Variants in ARFGEF1 observed in about 807,000 individuals in gnomAD.
ARFGEF1 encodes ARF guanine nucleotide exchange factor 1.
Under a neutral mutation model 231.0 loss-of-function variants are expected in ARFGEF1, and 42 were observed. The ratio of observed to expected loss-of-function variants is 0.18; its 90% CI spans 0.14 to 0.24. ARFGEF1 has a LOEUF of 0.24. Ranked by LOEUF, ARFGEF1 falls within the 10% of genes least tolerant of loss-of-function variation. ARFGEF1 has a pLI of 1.00. For synonymous variants in ARFGEF1, 710 were observed against 732.3 expected (o/e 0.97, Z 0.49); for missense variants, 1,345 against 2,192.0 (o/e 0.61, Z 7.72).
chr8:67,287,881 A>T, intron 7 of ARFGEF1, 74 bp downstream of exon 7: 1 of 1,035,994 alleles, frequency 9.7e-7, no homozygotes, highest in Non-Finnish European at 1.3e-6. Context: ...TTTCTATTCC[A>T]GACATTACAA....
At chr8:67,283,603 T>C (rs936475584) in intron 7 of ARFGEF1, among the ~76,000 whole-genome samples, 1 of 152,134 alleles carries the variant, frequency 6.6e-6, no homozygotes, top group Non-Finnish European at 1.5e-5. Context: ...AGAAAGTATC[T>C]GTAAAATATA....
At chr8:67,203,728 TCTC>T (rs1311213054) in intron 35 of ARFGEF1, among the ~76,000 whole-genome samples, 1 of 152,234 alleles carries the variant, frequency 6.6e-6, no homozygotes, top group Non-Finnish European at 1.5e-5. Flanking sequence ...AGTTTTCACT[TCTC>T]AAGTAGCTAA....
At chr8:67,334,079 T>C (rs1808227791) in intron 1 of ARFGEF1, among the ~76,000 whole-genome samples, 1 of 142,944 alleles carries the variant, frequency 7.0e-6, no homozygotes, top group Admixed American at 7.7e-5. Context: ...GAAGTTACAG[T>C]GAGCTGAGAT....
intron 14 of ARFGEF1, among the ~76,000 whole-genome samples, chr8:67,262,552 T>C (rs1435751386): frequency 6.6e-6 from 1 of 152,250 alleles, no homozygotes; most frequent in African/African-American, 2.4e-5. Context: ...GACATATTAC[T>C]GTAGGTAAAT....
chr8:67,194,168 C>A (rs768122902), downstream of ARFGEF1, among the ~76,000 whole-genome samples: 12 of 151,964 alleles, frequency 7.9e-5, no homozygotes, highest in Non-Finnish European at 1.3e-4. Context: ...CCCTGCCAGC[C>A]CTACACCACC....
In ARFGEF1 at chr8:67,240,303, A is replaced by C; in HGVS notation, c.2851-13T>G. ...GCGTCCAAGCCAACTACAAAAATTA[A>C]AAATTGTATTTTAATTAAAGATTAT... is the stretch of plus-strand genomic sequence containing the variant. On this transcript the variant is annotated splice_polypyrimidine_tract_variant and intron_variant, in intron 19 of 38. Transcript: ENST00000262215. 6.3e-7 allele frequency: 1 copy of C among 1,586,090 alleles called. No homozygotes were observed. The highest frequency in any genetic ancestry group is 1.2e-5 in the South Asian group (1 of 84,806).
chr8:67,214,151 A>G (rs1163653212), intron 33 of ARFGEF1, among the ~76,000 whole-genome samples: 1 of 152,226 alleles, frequency 6.6e-6, no homozygotes, highest in Non-Finnish European at 1.5e-5. Flanking sequence ...TGTGTGAGAG[A>G]AAGCATCTAC....
chr8:67,231,682 G>C (rs1209769791), intron 23 of ARFGEF1, among the ~76,000 whole-genome samples: 2 of 152,068 alleles, frequency 1.3e-5, no homozygotes, highest in East Asian at 3.9e-4. Context: ...ACATAGCTCT[G>C]CAGTAGTACA....
intron 29 of ARFGEF1, among the ~76,000 whole-genome samples, chr8:67,222,229 A>G (rs868800758): frequency 7.6e-4 from 63 of 83,088 alleles, no homozygotes; most frequent in African/African-American, 2.5e-3. Flanking sequence ...ATATATGTAT[A>G]TGTATGTATG....
At chr8:67,217,660 C>A in intron 32 of ARFGEF1, 122 bp downstream of exon 32, 1 of 1,057,818 alleles carries the variant, frequency 9.5e-7, no homozygotes, top group Non-Finnish European at 1.3e-6. Flanking sequence ...AAGAGTAAGA[C>A]AAGCTTAAAA....
intron 32 of ARFGEF1, among the ~76,000 whole-genome samples, chr8:67,217,262 C>T (rs1171524517): frequency 6.6e-6 from 1 of 150,384 alleles, no homozygotes; most frequent in Non-Finnish European, 1.5e-5. Context: ...CGAGATTGCG[C>T]CAATGCACTC....
intron 1 of ARFGEF1, among the ~76,000 whole-genome samples, chr8:67,332,840 G>A (rs923137540): frequency 2.6e-5 from 4 of 152,048 alleles, no homozygotes; most frequent in Admixed American, 6.5e-5. Context: ...GGTCATATTC[G>A]AATTCTGCCA....
rs371822934 is a variant in ARFGEF1 at position 67,227,441 on chromosome 8, T to C, written c.3743+6A>G. Reference sequence around the variant, plus strand: ...CTTCTATTAAGCAATTCAACAAATATAGTACCTGTTCCGTTTCATTATATG... The same window carrying C: ...CTTCTATTAAGCAATTCAACAAATACAGTACCTGTTCCGTTTCATTATATG... On this transcript the variant is annotated splice_donor_region_variant and intron_variant, in intron 26 of 38. Coordinates refer to ENST00000262215, the MANE Select transcript of ARFGEF1 (RefSeq NM_006421.5). The C allele has an allele frequency of 6.7e-5, 108 of 1,611,750 alleles. No homozygotes were observed. The African/African-American group carries it at 1.2e-3, about 18-fold the overall frequency.
intron 19 of ARFGEF1, among the ~76,000 whole-genome samples, chr8:67,243,486 G>C (rs566813932): frequency 4.6e-5 from 7 of 152,058 alleles, no homozygotes; most frequent in African/African-American, 1.2e-4. Context: ...AGAACAGCAC[G>C]GGAAAAGACC....
At chr8:67,269,931 A>T (rs1430589334) in intron 10 of ARFGEF1, among the ~76,000 whole-genome samples, 1 of 152,150 alleles carries the variant, frequency 6.6e-6, no homozygotes, top group Non-Finnish European at 1.5e-5. Flanking sequence ...ATCTAGATCT[A>T]AGAATTTATA....
rs1806995741 is a variant in ARFGEF1 at position 67,310,973 on chromosome 8, G to GCCCA, written c.125-8508_125-8507insTGGG. Among the ~76,000 whole-genome samples the GCCCA allele has an allele frequency of 3.4e-4, 4 of 11,848 alleles. 1 individual carries two copies. Among genetic ancestry groups the GCCCA allele is most frequent in the Middle Eastern group, 0.12 (2 of 16 alleles). The allele number at this position is 11,848 out of a possible 152,430, so 7.8% of individuals were successfully genotyped here. A position where few individuals can be genotyped will look rare whatever the true frequency, so the allele number is the denominator to read the frequency against. ...CCCGTCCAGGAGGGAGGTGGGGCCC[G>GCCCA]GGAGGGAGGTTGGGGGGTCAGCCCC... On this transcript the variant is annotated intron_variant, in intron 1 of 38. Transcript: ENST00000262215.
intron 3 of ARFGEF1, among the ~76,000 whole-genome samples, chr8:67,300,469 T>C (rs533832213): frequency 2.3e-4 from 35 of 152,234 alleles, no homozygotes; most frequent in Non-Finnish European, 4.7e-4. Flanking sequence ...CGCTAAAGTA[T>C]AGCAGTTAAA....
chr8:67,203,276 A>G lies in ARFGEF1; in HGVS notation c.4960-25T>C, dbSNP rs113020759. ...TCTTTGGAAAACAAACCACCCCAGC[A>G]TATACACACAGTCACAATAATTTTA... On this transcript the variant is annotated intron_variant, in intron 35 of 38. Coordinates refer to ENST00000262215, the MANE Select transcript of ARFGEF1 (RefSeq NM_006421.5). 4.1e-4 allele frequency: 661 copies of G among 1,606,752 alleles called. 10 individuals carry two copies. The African/African-American group carries it at 7.5e-3, about 18-fold the overall frequency.
intron 30 of ARFGEF1, among the ~76,000 whole-genome samples, chr8:67,218,875 T>C (rs1839049035): frequency 6.6e-6 from 1 of 152,102 alleles, no homozygotes; most frequent in South Asian, 2.1e-4. Context: ...GTTGTAACTA[T>C]CAAAATGAGG....
Sources: gnomAD v4.1 joint callset for allele counts (sites outside exome capture counted in the v4.1 genomes callset) on GRCh38, gnomAD v4.1.1 for gene constraint, MANE v1.5 for transcripts, NCBI Gene and HGNC (gene_info 2026-07-23, HGNC 2026-07-21) for gene names.